SKAP2: variants seen among roughly 807,000 people sequenced by gnomAD.
The protein encoded by SKAP2 is src kinase associated phosphoprotein 2, also known as src kinase-associated phosphoprotein 2.
SKAP2 carries 28 observed loss-of-function variants against 54.9 expected under a neutral mutation model. The observed-to-expected ratio is 0.51, with a 90% CI of 0.38 to 0.70. The LOEUF is 0.70. SKAP2 is among the 30% of genes least tolerant of loss of function. The pLI is 0.00. For missense variants in SKAP2, 356 were observed against 424.1 expected, an observed-to-expected ratio of 0.84 and a Z score of 1.41; for synonymous variants, 137 against 134.3, an observed-to-expected ratio of 1.02 and a Z score of -0.14.
At chr7:26,851,508 C>G (rs1325109127) in intron 3 of SKAP2, among the ~76,000 whole-genome samples, 1 of 151,806 alleles carries the variant, frequency 6.6e-6, no homozygotes, top group Non-Finnish European at 1.5e-5. Context: ...TAGGTGGGAA[C>G]TGAACAATGA....
intron 11 of SKAP2, among the ~76,000 whole-genome samples, chr7:26,682,147 T>C (rs772017275): frequency 6.6e-6 from 1 of 152,220 alleles, no homozygotes; most frequent in Non-Finnish European, 1.5e-5. Flanking sequence ...TGTAATAATA[T>C]CAAGCATTCA....
Position 26,669,158 on chromosome 7 carries a change from A to C in SKAP2, c.*508T>G, listed in dbSNP as rs1422100448. The C allele has an allele frequency of 6.6e-6, 1 of 152,202 alleles. No individual in the cohort carries two copies. The allele number at this position is 152,202 out of a possible 1,614,324, so 9.4% of individuals were successfully genotyped here. A position where few individuals can be genotyped will look rare whatever the true frequency, so the allele number is the denominator to read the frequency against. On this transcript the variant is annotated 3_prime_UTR_variant, in exon 13 of 13. Coordinates refer to ENST00000345317, the MANE Select transcript of SKAP2 (RefSeq NM_003930.5). Reference sequence around the variant, plus strand: ...AATAATAACAATAAAGTTATCTATAAAGTTTGAACATTCTTTAGCATTCTT... The same window carrying C: ...AATAATAACAATAAAGTTATCTATACAGTTTGAACATTCTTTAGCATTCTT...
At chr7:26,851,580 T>A (rs474462) in intron 3 of SKAP2, among the ~76,000 whole-genome samples, 1 of 151,514 alleles carries the variant, frequency 6.6e-6, no homozygotes, top group African/African-American at 2.4e-5. Context: ...GTGGTGGGGG[T>A]GGGGAGGGAT....
chr7:26,861,598 G>C (rs1308673512), intron 1 of SKAP2, among the ~76,000 whole-genome samples: 3 of 142,910 alleles, frequency 2.1e-5, no homozygotes, highest in Non-Finnish European at 3.0e-5. Flanking sequence ...ACACATGTGA[G>C]TTAACAATAA....
chr7:26,764,197 G>C (rs1782994506), intron 4 of SKAP2, among the ~76,000 whole-genome samples: 1 of 152,098 alleles, frequency 6.6e-6, no homozygotes, highest in Non-Finnish European at 1.5e-5. Context: ...TGTATAGGAA[G>C]GTGTGGGTAT....
chr7:26,678,917 CAA>C (rs527564304), intron 11 of SKAP2, among the ~76,000 whole-genome samples: 2,206 of 152,204 alleles, frequency 0.014, 52 homozygotes, highest in African/African-American at 0.05. Context: ...GAAGACATCT[CAA>C]AAGAGTGAAA....
At chr7:26,717,337 C>T (rs143714908) in intron 9 of SKAP2, among the ~76,000 whole-genome samples, 5 of 151,494 alleles carry the variant, frequency 3.3e-5, no homozygotes, top group African/African-American at 1.2e-4. Flanking sequence ...TGGCAAAACA[C>T]CGTCTCTACA....
intron 9 of SKAP2, among the ~76,000 whole-genome samples, chr7:26,724,444 T>C (rs557673854): frequency 6.6e-6 from 1 of 152,296 alleles, no homozygotes; most frequent in South Asian, 2.1e-4. Flanking sequence ...ATTTTTTTCT[T>C]CTAAAGTCCA....
intron 4 of SKAP2, among the ~76,000 whole-genome samples, chr7:26,747,650 T>C (rs1782585786): frequency 6.6e-6 from 1 of 152,150 alleles, no homozygotes; most frequent in South Asian, 2.1e-4. Context: ...ATGTAAGATA[T>C]GCTCATGAAT....
chr7:26,738,499 C>G (rs747543879), intron 6 of SKAP2, among the ~76,000 whole-genome samples: 7 of 152,132 alleles, frequency 4.6e-5, no homozygotes, highest in Non-Finnish European at 8.8e-5. Flanking sequence ...TCCAGAAATT[C>G]TACAACAGTA....
intron 11 of SKAP2, among the ~76,000 whole-genome samples, chr7:26,680,419 C>T (rs1478755721): frequency 6.6e-6 from 1 of 152,048 alleles, no homozygotes; most frequent in Non-Finnish European, 1.5e-5. Context: ...TGAAAACTAA[C>T]AAAAATATTT....
Position 26,771,423 on chromosome 7 carries a change from G to A in SKAP2, c.308-31459C>T, listed in dbSNP as rs534901161. ...CTATCTACTGTACATCTAATGATAC[G>A]TAGGGGATGTAACTGATATTCACAA... On this transcript the variant is annotated intron_variant, in intron 4 of 12. Coordinates refer to ENST00000345317, the MANE Select transcript of SKAP2 (RefSeq NM_003930.5). Among the ~76,000 whole-genome samples the A allele has an allele frequency of 1.3e-3, 198 of 152,322 alleles. 1 individual carries two copies. Among genetic ancestry groups the A allele is most frequent in the African/African-American group, 4.7e-3 (195 of 41,578 alleles).
intron 4 of SKAP2, among the ~76,000 whole-genome samples, chr7:26,764,840 G>T (rs1256113779): frequency 6.6e-6 from 1 of 152,036 alleles, no homozygotes; most frequent in African/African-American, 2.4e-5. Context: ...CGTGAGCCAC[G>T]GCGCCTGGCT....
At chr7:26,831,764 T>C (rs1032228786) in intron 4 of SKAP2, among the ~76,000 whole-genome samples, 1 of 152,114 alleles carries the variant, frequency 6.6e-6, no homozygotes, top group Non-Finnish European at 1.5e-5. Context: ...CCAGGCAGTA[T>C]GTTCTTAACT....
chr7:26,861,828 A>T (rs1181417842), intron 1 of SKAP2, among the ~76,000 whole-genome samples: 4 of 151,924 alleles, frequency 2.6e-5, no homozygotes, highest in Non-Finnish European at 5.9e-5. Context: ...ACATATAATG[A>T]TTTAGTTTAA....
intron 9 of SKAP2, among the ~76,000 whole-genome samples, chr7:26,701,786 G>C (rs1787032797): frequency 6.6e-6 from 1 of 151,970 alleles, no homozygotes; most frequent in South Asian, 2.1e-4. Context: ...TTGCATCATT[G>C]AATAGATTCT....
At chr7:26,851,591 A>G (rs1449082727) in intron 3 of SKAP2, among the ~76,000 whole-genome samples, 2 of 152,116 alleles carry the variant, frequency 1.3e-5, no homozygotes, top group African/African-American at 4.8e-5. Flanking sequence ...GGGGAGGGAT[A>G]GCATTAGGAG....
At chr7:26,764,174 C>G (rs1782993943) in intron 4 of SKAP2, among the ~76,000 whole-genome samples, 1 of 152,088 alleles carries the variant, frequency 6.6e-6, no homozygotes, top group South Asian at 2.1e-4. Flanking sequence ...GCAAACGTGA[C>G]TTGATATGTA....
intron 10 of SKAP2, 68 bp from the exon 11 acceptor site, chr7:26,684,916 C>T (rs1428342702): frequency 8.9e-6 from 8 of 900,870 alleles, no homozygotes; most frequent in East Asian, 2.5e-5. Context: ...CAAAATTAAC[C>T]AGTAGAAATT....
Sources: allele counts gnomAD v4.1 joint callset (sites outside exome capture counted in the v4.1 genomes callset), GRCh38; gene constraint gnomAD v4.1.1; transcripts MANE v1.5; gene names NCBI Gene and HGNC (gene_info 2026-07-23, HGNC 2026-07-21).